Variants in ZNF732 observed in about 807,000 individuals in gnomAD.
The protein encoded by ZNF732 is zinc finger protein LOC654254.
In ZNF732, 12 loss-of-function variants were observed where a neutral mutation model predicts 11.5. The observed-to-expected ratio is 1.05, with a 90% CI of 0.67 to 1.70. The LOEUF (loss-of-function observed/expected upper bound fraction) is 1.70, where lower values mean the gene tolerates loss of function less well. ZNF732 is among the 40% of genes most tolerant of loss of function. The pLI, the probability that ZNF732 is intolerant of heterozygous loss-of-function variation, is 0.00. For synonymous variants in ZNF732, 231 were observed against 236.5 expected (o/e 0.98, Z 0.21); for missense variants, 702 against 676.9 (o/e 1.04, Z -0.41).
chr4:283,877 T>C (rs1431278377), intron 3 of ZNF732, among the ~76,000 whole-genome samples: 5 of 152,316 alleles, frequency 3.3e-5, no homozygotes, highest in African/African-American at 1.2e-4. Flanking sequence ...TCTTTTCATT[T>C]TTTAAAAGAC....
Position 287,941 on chromosome 4 carries a change from TACA to T in ZNF732, c.226+7494_226+7496del, listed in dbSNP as rs541809673. Among the ~76,000 whole-genome samples, 12 of 147,894 alleles carry T rather than the reference TACA, an allele frequency of 8.1e-5. No individual in the cohort carries two copies. The East Asian group carries it at 2.2e-3, about 27-fold the overall frequency. ...AGAGTTTCAATTTCTCTACATTCTT[TACA>T]ACATTTTTTTTTTGCTTTATATTGG... On this transcript the variant is annotated intron_variant, in intron 3 of 3. Coordinates refer to ENST00000419098, the MANE Select transcript of ZNF732 (RefSeq NM_001137608.3).
Position 272,543 on chromosome 4 carries a change from T to A in ZNF732, c.314A>T (p.Lys105Ile), listed in dbSNP as rs782588395. The change falls in exon 4 of 4, where the codon AAA becomes ATA. Residue 105 changes from lysine (K) to isoleucine (I), a missense_variant. By Grantham distance (102) the Lys-to-Ile change is moderately radical. This residue lies in a region of ZNF732 where 596 missense variants were observed against 557.9 expected (regional missense o/e 1.07). Transcript: ENST00000419098. ...TAATTCTAAATTCTCATGTCCACAT[T>A]TCTCATATCTTCTTAATATAAGTTT... Reference protein sequence around the residue: ...FHKLILRRYEKCGHENLELRK... With the variant: ...FHKLILRRYEICGHENLELRK... The A allele has an allele frequency of 8.1e-6, 13 of 1,601,230 alleles. No individual in the cohort carries two copies. The highest frequency in any genetic ancestry group is 1.0e-5 in the Non-Finnish European group (12 of 1,174,108).
Position 305,334 on chromosome 4 carries a change from G to A in ZNF732, c.-24C>T. ...ATTTCCCCACTTCAGGGGTGTAGCG[G>A]AGTCTCAGCTACGAATCATCCAATA... On this transcript the variant is annotated 5_prime_UTR_variant, in exon 1 of 4. Transcript: ENST00000419098. 6.2e-7 allele frequency: 1 copy of A among 1,607,756 alleles called. No homozygotes were observed. The highest frequency in any genetic ancestry group is 8.5e-7 in the Non-Finnish European group (1 of 1,179,828).
Position 305,460 on chromosome 4 carries a change from G to A in ZNF732, c.-150C>T, listed in dbSNP as rs1312624927. The A allele has an allele frequency of 5.1e-6, 6 of 1,165,398 alleles. No homozygotes were observed. Among genetic ancestry groups the A allele is most frequent in the Admixed American group, 2.6e-5 (1 of 38,642 alleles). 72.2% of individuals were successfully genotyped at this position (1,165,398 alleles called of 1,614,324 possible). On this transcript the variant is annotated 5_prime_UTR_variant, in exon 1 of 4. Coordinates refer to ENST00000419098, the MANE Select transcript of ZNF732 (RefSeq NM_001137608.3). ...CCGTGGAGACCCTAACCGAGCTCACGCTGGCGCAAAAGGCAAAAGCCGCGC... is the reference window on the plus strand; with the variant it reads ...CCGTGGAGACCCTAACCGAGCTCACACTGGCGCAAAAGGCAAAAGCCGCGC...
Position 300,548 on chromosome 4 carries a change from G to T in ZNF732, c.4-4393C>A, listed in dbSNP as rs547766343. 1.6e-4 allele frequency among the ~76,000 whole-genome samples: 25 copies of T among 152,150 alleles called. No homozygotes were observed. The East Asian group carries it at 4.8e-3, about 29-fold the overall frequency. On this transcript the variant is annotated intron_variant, in intron 1 of 3. Coordinates refer to ENST00000419098, the MANE Select transcript of ZNF732 (RefSeq NM_001137608.3). ...ACAAAAGACAAATAGTTCAAAGAGG[G>T]GAACAGTACATGACTGTGGTCTCAT... is the stretch of plus-strand genomic sequence containing the variant.
At chr4:304,849 T>C (rs993082271) in intron 1 of ZNF732, among the ~76,000 whole-genome samples, 3 of 152,174 alleles carry the variant, frequency 2.0e-5, no homozygotes, top group Admixed American at 6.5e-5. Flanking sequence ...CAAAAGCTTT[T>C]CCTTCAAGAC....
chr4:280,960 CCA>C (rs72495105), intron 3 of ZNF732, among the ~76,000 whole-genome samples: 1,786 of 152,216 alleles, frequency 0.012, 19 homozygotes, highest in Non-Finnish European at 0.017. Context: ...GCCCAGACAC[CCA>C]CAGAGAGAAA....
intron 3 of ZNF732, among the ~76,000 whole-genome samples, chr4:285,712 C>T (rs782129904): frequency 6.6e-6 from 1 of 152,164 alleles, no homozygotes. Context: ...AACAGACCCA[C>T]GGTCTCCCTC....
At chr4:304,641 GGC>G (rs746334743) in intron 1 of ZNF732, among the ~76,000 whole-genome samples, 4 of 152,088 alleles carry the variant, frequency 2.6e-5, no homozygotes, top group African/African-American at 7.2e-5. Context: ...ACAAACCAGG[GGC>G]GCCCACACCC....
In ZNF732 at chr4:303,425, T is replaced by C. The variant is rs532169843; in HGVS notation, c.3+1883A>G. Among the ~76,000 whole-genome samples the C allele has an allele frequency of 5.0e-4, 76 of 152,300 alleles. No individual in the cohort carries two copies. The South Asian group carries it at 0.015, about 29-fold the overall frequency. On this transcript the variant is annotated intron_variant, in intron 1 of 3. Coordinates refer to ENST00000419098, the MANE Select transcript of ZNF732 (RefSeq NM_001137608.3). ...TGAGGTAAGGAGTTCGAGACCAGCC[T>C]GGCCAACATGGTGAAACTCCCTCTC...
intron 1 of ZNF732, among the ~76,000 whole-genome samples, chr4:297,850 G>A (rs1719986736): frequency 1.3e-5 from 2 of 152,132 alleles, no homozygotes; most frequent in Admixed American, 6.6e-5. Flanking sequence ...TTCAGTGTGG[G>A]GTCAGACCTG....
At chr4:285,874 G>C (rs781906837) in intron 3 of ZNF732, among the ~76,000 whole-genome samples, 1 of 152,208 alleles carries the variant, frequency 6.6e-6, no homozygotes, top group Admixed American at 6.5e-5. Flanking sequence ...CAAGTAGCTG[G>C]AACTACAGGT....
chr4:284,729 G>C (rs1553840365), intron 3 of ZNF732, among the ~76,000 whole-genome samples: 1 of 151,546 alleles, frequency 6.6e-6, no homozygotes, highest in Non-Finnish European at 1.5e-5. Context: ...AAATTCGCCG[G>C]GCGTGGTGGC....
chr4:282,412 A>C lies in ZNF732; in HGVS notation c.227-9782T>G, dbSNP rs138701139. On this transcript the variant is annotated intron_variant, in intron 3 of 3. Coordinates refer to ENST00000419098, the MANE Select transcript of ZNF732 (RefSeq NM_001137608.3). The stretch of plus-strand genomic sequence containing the variant: ...AGCTATTTATTCTTTTTTTAAAAAG[A>C]AGCAGTTGGGCCTGATAATGCATGC... Among the ~76,000 whole-genome samples the C allele has an allele frequency of 3.3e-5, 5 of 152,290 alleles. No individual in the cohort carries two copies. The East Asian group carries it at 9.6e-4, about 29-fold the overall frequency.
At chr4:278,532 G>A (rs1719548114) in intron 3 of ZNF732, among the ~76,000 whole-genome samples, 1 of 152,188 alleles carries the variant, frequency 6.6e-6, no homozygotes, top group South Asian at 2.1e-4. Flanking sequence ...CCAAATCCCA[G>A]AATGGGTTGT....
At chr4:290,459 A>C (rs1364720258) in intron 3 of ZNF732, among the ~76,000 whole-genome samples, 3 of 152,174 alleles carry the variant, frequency 2.0e-5, no homozygotes, top group Non-Finnish European at 4.4e-5. Context: ...TCCTGGCCTC[A>C]GCTGTGGTCC....
chr4:279,336 C>G (rs1166134052), intron 3 of ZNF732, among the ~76,000 whole-genome samples: 2 of 151,730 alleles, frequency 1.3e-5, no homozygotes, highest in East Asian at 3.9e-4. Context: ...GTCCCAGCTA[C>G]TCTGGAGGCT....
At chr4:295,283 A>G (rs1553842046) in intron 3 of ZNF732, among the ~76,000 whole-genome samples, 155 bp downstream of exon 3, 1 of 152,254 alleles carries the variant, frequency 6.6e-6, no homozygotes, top group East Asian at 1.9e-4. Context: ...ATGGGACAGA[A>G]GATGCCCCTA....
At chr4:294,397 G>A (rs1719903966) in intron 3 of ZNF732, among the ~76,000 whole-genome samples, 1 of 152,130 alleles carries the variant, frequency 6.6e-6, no homozygotes, top group African/African-American at 2.4e-5. Flanking sequence ...AACTTATTTA[G>A]GTGTGTGTGA....
Sources: allele counts gnomAD v4.1 joint callset (sites outside exome capture counted in the v4.1 genomes callset), GRCh38; gene constraint gnomAD v4.1.1; regional missense constraint gnomAD v4.1.1; transcripts MANE v1.5; gene names NCBI Gene and HGNC (gene_info 2026-07-23, HGNC 2026-07-21).